TXLNB: variants seen among roughly 807,000 people sequenced by gnomAD.
TXLNB encodes beta-taxilin.
A neutral mutation model predicts 57.4 loss-of-function variants in TXLNB; 37 were observed. The observed-to-expected ratio is 0.64, with a 90% CI of 0.50 to 0.85. The LOEUF is 0.85. Ranked by LOEUF, TXLNB falls within the 40% of genes least tolerant of loss-of-function variation. TXLNB has a pLI of 0.00. For missense variants in TXLNB, 848 were observed against 825.6 expected (o/e 1.03, Z -0.33); for synonymous variants, 302 against 309.6 (o/e 0.98, Z 0.26).
the TXLNB span, among the ~76,000 whole-genome samples, chr6:139,225,848 A>G: frequency 6.6e-6 from 1 of 152,184 alleles, no homozygotes; most frequent in Non-Finnish European, 1.5e-5. Flanking sequence ...ATATGAAAGT[A>G]AAAGGGCTAA....
chr6:139,166,928 C>A, the TXLNB span: 2 of 1,614,116 alleles, frequency 1.2e-6, no homozygotes, highest in African/African-American at 2.7e-5. Flanking sequence ...CCATCTGGAG[C>A]CTCACAAGAA....
At chr6:139,226,332 TAGAGAG>T in the TXLNB span, among the ~76,000 whole-genome samples, 6 of 124,356 alleles carry the variant, frequency 4.8e-5, no homozygotes, top group South Asian at 2.6e-4. Flanking sequence ...AAAAAAGAGA[TAGAGAG>T]AGAGAGAAAG....
the TXLNB span, among the ~76,000 whole-genome samples, chr6:139,171,497 T>C: frequency 6.6e-6 from 1 of 152,262 alleles, no homozygotes; most frequent in African/African-American, 2.4e-5. Flanking sequence ...AAGTGAGGCC[T>C]TGACCACATA....
the TXLNB span, among the ~76,000 whole-genome samples, chr6:139,182,174 A>AGAT: frequency 3.3e-5 from 5 of 152,242 alleles, no homozygotes; most frequent in Non-Finnish European, 2.9e-5. Flanking sequence ...TTAGAACACA[A>AGAT]GATAAGTTGG....
the TXLNB span, among the ~76,000 whole-genome samples, chr6:139,228,393 G>A: frequency 2.0e-5 from 3 of 152,018 alleles, no homozygotes; most frequent in African/African-American, 7.3e-5. Flanking sequence ...GGGCATGGTG[G>A]TGGGCATCTG....
chr6:139,243,580 G>A (rs1776004185), intron 9 of TXLNB, among the ~76,000 whole-genome samples: 1 of 150,484 alleles, frequency 6.6e-6, no homozygotes, highest in African/African-American at 2.5e-5. Flanking sequence ...AAGATGGTCA[G>A]GCTTCCTTCT....
At chr6:139,168,454 G>A in the TXLNB span, among the ~76,000 whole-genome samples, 2 of 141,718 alleles carry the variant, frequency 1.4e-5, no homozygotes, top group African/African-American at 5.3e-5. Context: ...ACTTTGGCTA[G>A]TTCTCACTCT....
chr6:139,246,486 C>A (rs1323278606), intron 8 of TXLNB, among the ~76,000 whole-genome samples: 1 of 152,200 alleles, frequency 6.6e-6, no homozygotes, highest in Non-Finnish European at 1.5e-5. Context: ...AAGCTTTAAA[C>A]ATTACATTAA....
At chr6:139,288,971 T>C in intron 1 of TXLNB, 58 bp from the exon 2 acceptor site, 1 of 1,260,236 alleles carries the variant, frequency 7.9e-7, no homozygotes, top group Non-Finnish European at 1.1e-6. Flanking sequence ...ATATCAATGC[T>C]ACATTTCAAT....
At chr6:139,203,904 G>A in the TXLNB span, among the ~76,000 whole-genome samples, 6 of 152,208 alleles carry the variant, frequency 3.9e-5, no homozygotes, top group East Asian at 1.2e-3. Flanking sequence ...ATTCATCGGT[G>A]TTCTGGTATA....
the TXLNB span, among the ~76,000 whole-genome samples, chr6:139,207,869 A>T: frequency 6.6e-6 from 1 of 152,182 alleles, no homozygotes; most frequent in Non-Finnish European, 1.5e-5. Flanking sequence ...TGAGGCCAGG[A>T]AGTTGAGACC....
the TXLNB span, among the ~76,000 whole-genome samples, chr6:139,311,150 A>C: frequency 6.6e-6 from 1 of 152,232 alleles, no homozygotes; most frequent in African/African-American, 2.4e-5. Flanking sequence ...TGGTTTGGCC[A>C]GCCTATACCC....
the TXLNB span, among the ~76,000 whole-genome samples, chr6:139,226,652 TG>T: frequency 6.6e-6 from 1 of 152,170 alleles, no homozygotes; most frequent in African/African-American, 2.4e-5. Flanking sequence ...TGAATATGCA[TG>T]TCACGAAAGA....
intron 4 of TXLNB, among the ~76,000 whole-genome samples, chr6:139,265,764 C>A (rs928302144): frequency 7.2e-5 from 11 of 152,160 alleles, no homozygotes; most frequent in African/African-American, 2.7e-4. Context: ...CATGAGTTTC[C>A]TATTCTTTAT....
At chr6:139,215,050 G>A in the TXLNB span, among the ~76,000 whole-genome samples, 1 of 152,014 alleles carries the variant, frequency 6.6e-6, no homozygotes, top group South Asian at 2.1e-4. Flanking sequence ...TGGCCATACT[G>A]CCCAAGGTAA....
At chr6:139,171,768 A>T in the TXLNB span, among the ~76,000 whole-genome samples, 1 of 151,764 alleles carries the variant, frequency 6.6e-6, no homozygotes, top group African/African-American at 2.4e-5. Context: ...CTAGGACTGT[A>T]GGCTCAAGCC....
the TXLNB span, among the ~76,000 whole-genome samples, chr6:139,195,833 T>C: frequency 1.3e-5 from 2 of 152,096 alleles, no homozygotes; most frequent in Non-Finnish European, 2.9e-5. Flanking sequence ...TATTGAGGAA[T>C]TGGTCAATTT....
chr6:139,219,723 G>T, the TXLNB span, among the ~76,000 whole-genome samples: 1 of 152,168 alleles, frequency 6.6e-6, no homozygotes, highest in African/African-American at 2.4e-5. Flanking sequence ...ATAACTCTGG[G>T]CTGGAAAATC....
chr6:139,227,724 C>T, the TXLNB span, among the ~76,000 whole-genome samples: 1 of 152,152 alleles, frequency 6.6e-6, no homozygotes, highest in Non-Finnish European at 1.5e-5. Flanking sequence ...ACTACTCCTA[C>T]AAGCCAAAAC....
Sources: gnomAD v4.1 joint callset for allele counts (sites outside exome capture counted in the v4.1 genomes callset) on GRCh38, gnomAD v4.1.1 for gene constraint, MANE v1.5 for transcripts, NCBI Gene and HGNC (gene_info 2026-07-23, HGNC 2026-07-21) for gene names.